Variants in PLCB1 observed in about 807,000 individuals in gnomAD.
The protein encoded by PLCB1 is phospholipase C beta 1.
PLCB1 carries 46 observed loss-of-function variants against 161.8 expected under a neutral mutation model. That is an observed-to-expected ratio of 0.28 (90% CI 0.22 to 0.36). The LOEUF is 0.36. Ranked by LOEUF, PLCB1 falls within the 10% of genes least tolerant of loss-of-function variation. The probability of loss-of-function intolerance (pLI) is 1.00; values close to 1 mark genes in which losing one functional copy is unlikely to be tolerated. For synonymous variants in PLCB1, 517 were observed against 503.7 expected (o/e 1.03, Z -0.35); for missense variants, 1,016 against 1,472.5 (o/e 0.69, Z 5.07).
intron 3 of PLCB1, among the ~76,000 whole-genome samples, chr20:8,600,411 C>CA (rs1325623298): frequency 5.0e-5 from 7 of 139,578 alleles, no homozygotes; most frequent in African/African-American, 2.0e-4. Context: ...TTAGGCTGCT[C>CA]GGGGGTCAGG....
At chr20:8,140,588 G>A (rs1291695820) in intron 1 of PLCB1, among the ~76,000 whole-genome samples, 1 of 152,062 alleles carries the variant, frequency 6.6e-6, no homozygotes, top group Non-Finnish European at 1.5e-5. Flanking sequence ...CGGGTGGTAG[G>A]AAAAAGAGCA....
chr20:8,517,582 C>T (rs890169613), intron 3 of PLCB1, among the ~76,000 whole-genome samples: 3 of 152,132 alleles, frequency 2.0e-5, no homozygotes, highest in African/African-American at 7.2e-5. Context: ...ACACCCTCCC[C>T]CAGTGACCTC....
intron 2 of PLCB1, among the ~76,000 whole-genome samples, chr20:8,275,250 A>AGAGT (rs369863898): frequency 2.1e-4 from 31 of 145,372 alleles, no homozygotes; most frequent in African/African-American, 3.1e-4. Context: ...CATCAGCGTG[A>AGAGT]GTGTGTGTGT....
Position 8,844,214 on chromosome 20 carries a change from C to T in PLCB1, c.3424-37408C>T, listed in dbSNP as rs190104333. On this transcript the variant is annotated intron_variant, in intron 31 of 31. Coordinates refer to ENST00000338037, the MANE Select transcript of PLCB1 (RefSeq NM_015192.4). ...AGAAAACGTCAGCTCTCAACTCTGC[C>T]GTTGTCCTTTTGTTTGCCGTTGGCA... is the stretch of plus-strand genomic sequence containing the variant. 8.1e-4 allele frequency among the ~76,000 whole-genome samples: 124 copies of T among 152,294 alleles called. 1 individual carries two copies. The highest frequency in any genetic ancestry group is 2.9e-3 in the African/African-American group (122 of 41,560).
At chr20:8,640,094 A>T (rs931966525) in intron 4 of PLCB1, among the ~76,000 whole-genome samples, 59 of 152,338 alleles carry the variant, frequency 3.9e-4, no homozygotes, top group African/African-American at 1.3e-3. Flanking sequence ...GGTTTAAAAT[A>T]AAGTTGGAAG....
intron 2 of PLCB1, among the ~76,000 whole-genome samples, chr20:8,254,148 T>G (rs1442865742): frequency 6.6e-6 from 1 of 152,030 alleles, no homozygotes; most frequent in Non-Finnish European, 1.5e-5. Context: ...TTTTCCCTGC[T>G]AAATCTTCAC....
At chr20:8,459,003 G>T (rs1445151912) in intron 3 of PLCB1, among the ~76,000 whole-genome samples, 1 of 152,164 alleles carries the variant, frequency 6.6e-6, no homozygotes, top group Non-Finnish European at 1.5e-5. Flanking sequence ...AGAGGTGCAG[G>T]GTGATACTGA....
intron 1 of PLCB1, among the ~76,000 whole-genome samples, chr20:8,133,987 T>C (rs2051318225): frequency 6.6e-6 from 1 of 152,232 alleles, no homozygotes; most frequent in Non-Finnish European, 1.5e-5. Flanking sequence ...TCTGTGTCTA[T>C]ATTTTGTCCA....
At chr20:8,221,489 AT>A (rs1386207401) in intron 2 of PLCB1, among the ~76,000 whole-genome samples, 5 of 152,156 alleles carry the variant, frequency 3.3e-5, no homozygotes, top group African/African-American at 4.8e-5. Context: ...TTCTTTACAG[AT>A]TCTATATGTT....
intron 4 of PLCB1, among the ~76,000 whole-genome samples, chr20:8,639,197 T>C (rs916701438): frequency 2.0e-5 from 3 of 152,154 alleles, no homozygotes; most frequent in Non-Finnish European, 2.9e-5. Flanking sequence ...GGAAGTTTCA[T>C]AGGGTCATGA....
At chr20:8,290,656 A>G (rs909801272) in intron 2 of PLCB1, among the ~76,000 whole-genome samples, 1 of 152,168 alleles carries the variant, frequency 6.6e-6, no homozygotes, top group Admixed American at 6.5e-5. Flanking sequence ...AATAAATGGC[A>G]AGGGGATATA....
chr20:8,591,331 C>T (rs1987145180), intron 3 of PLCB1, among the ~76,000 whole-genome samples: 1 of 152,106 alleles, frequency 6.6e-6, no homozygotes, highest in South Asian at 2.1e-4. Context: ...CATGGGTTTA[C>T]TTAATCACCA....
chr20:8,192,289 G>C (rs971848535), intron 2 of PLCB1, among the ~76,000 whole-genome samples: 1 of 151,898 alleles, frequency 6.6e-6, no homozygotes, highest in Admixed American at 6.6e-5. Context: ...GTGTTTCAAA[G>C]AATAGTATTA....
chr20:8,407,302 G>C (rs1978827187), intron 3 of PLCB1, among the ~76,000 whole-genome samples: 1 of 152,086 alleles, frequency 6.6e-6, no homozygotes, highest in East Asian at 1.9e-4. Context: ...ATCTTCCAAA[G>C]AGTACAATAT....
intron 3 of PLCB1, among the ~76,000 whole-genome samples, chr20:8,395,194 A>C (rs1443384458): frequency 1.3e-5 from 2 of 152,066 alleles, no homozygotes; most frequent in Admixed American, 1.3e-4. Flanking sequence ...GAAATTGAAC[A>C]CCTATTGACT....
chr20:8,153,359 G>A (rs1308225696), intron 2 of PLCB1, among the ~76,000 whole-genome samples: 1 of 152,140 alleles, frequency 6.6e-6, no homozygotes, highest in Non-Finnish European at 1.5e-5. Flanking sequence ...TTTAAGCAGA[G>A]TGGTTTTTCT....
rs1205093347 is a variant in PLCB1, at chr20:8,418,437, T to A, written c.246+46987T>A. Reference sequence around the variant, plus strand: ...ATCTTCAGAACATGCAGATTTGTCCTAAACAGGCCTAGGAAATGAATATAC... The same window carrying A: ...ATCTTCAGAACATGCAGATTTGTCCAAAACAGGCCTAGGAAATGAATATAC... On this transcript the variant is annotated intron_variant, in intron 3 of 31. Coordinates refer to ENST00000338037, the MANE Select transcript of PLCB1 (RefSeq NM_015192.4). Among the ~76,000 whole-genome samples the A allele has an allele frequency of 2.0e-5, 3 of 152,310 alleles. No individual in the cohort carries two copies. The East Asian group carries it at 5.8e-4, about 29-fold the overall frequency.
chr20:8,863,215 G>A (rs1323005113), intron 31 of PLCB1, among the ~76,000 whole-genome samples: 1 of 152,164 alleles, frequency 6.6e-6, no homozygotes, highest in African/African-American at 2.4e-5. Flanking sequence ...AATTGGATGA[G>A]AAGTTCGCCA....
chr20:8,145,594 A>C (rs2051445551), intron 1 of PLCB1, among the ~76,000 whole-genome samples: 1 of 152,222 alleles, frequency 6.6e-6, no homozygotes, highest in Admixed American at 6.5e-5. Flanking sequence ...TGGTAGCTGC[A>C]TATGTGGATA....
Sources: allele counts gnomAD v4.1 joint callset (sites outside exome capture counted in the v4.1 genomes callset), GRCh38; gene constraint gnomAD v4.1.1; transcripts MANE v1.5; gene names NCBI Gene and HGNC (gene_info 2026-07-23, HGNC 2026-07-21).